The following SDK1 variants were observed in gnomAD, a reference collection of about 807,000 sequenced individuals.
SDK1 encodes the protein protein sidekick-1.
In SDK1, 157 loss-of-function variants were observed where a neutral mutation model predicts 245.5. The observed-to-expected ratio is 0.64, with a 90% confidence interval of 0.56 to 0.73. SDK1 has a LOEUF of 0.73. SDK1 is among the 30% of genes least tolerant of loss of function. The probability of loss-of-function intolerance (pLI) is 0.00; values close to 1 mark genes in which losing one functional copy is unlikely to be tolerated. For missense variants in SDK1, 3,583 were observed against 3,002.3 expected, an observed-to-expected ratio of 1.19 and a Z score of -4.52; for synonymous variants, 1,647 against 1,278.5, an observed-to-expected ratio of 1.29 and a Z score of -6.15.
chr7:3,880,279 T>A (rs1359173634), intron 5 of SDK1, among the ~76,000 whole-genome samples: 2 of 152,156 alleles, frequency 1.3e-5, no homozygotes, highest in South Asian at 4.1e-4. Flanking sequence ...AACAGCTGGT[T>A]GAGGTTGCAG....
chr7:3,465,218 A>T (rs1321298092), intron 1 of SDK1, among the ~76,000 whole-genome samples: 1 of 152,086 alleles, frequency 6.6e-6, no homozygotes, highest in Non-Finnish European at 1.5e-5. Flanking sequence ...GCATCTCTGG[A>T]TTCTGGGCTC....
intron 5 of SDK1, among the ~76,000 whole-genome samples, chr7:3,889,583 C>G (rs1781410368): frequency 6.6e-6 from 1 of 152,180 alleles, no homozygotes; most frequent in South Asian, 2.1e-4. Flanking sequence ...TCTCAGCTCA[C>G]TGCAAGCTCT....
At chr7:3,523,142 G>C (rs1361620915) in intron 1 of SDK1, among the ~76,000 whole-genome samples, 1 of 152,112 alleles carries the variant, frequency 6.6e-6, no homozygotes, top group East Asian at 1.9e-4. Context: ...GTATATTTTT[G>C]ACAAAGCTTG....
At chr7:3,401,877 T>C (rs1441837658) in intron 1 of SDK1, among the ~76,000 whole-genome samples, 1 of 152,184 alleles carries the variant, frequency 6.6e-6, no homozygotes, top group East Asian at 1.9e-4. Flanking sequence ...ACTATTTAAC[T>C]ATCTGGATTT....
chr7:3,362,783 T>G (rs985001496), intron 1 of SDK1, among the ~76,000 whole-genome samples: 3 of 152,220 alleles, frequency 2.0e-5, no homozygotes, highest in African/African-American at 7.2e-5. Flanking sequence ...AAGGTACTTT[T>G]TGGAATTATT....
chr7:3,859,798 C>G (rs183422519), intron 5 of SDK1, among the ~76,000 whole-genome samples: 2 of 152,312 alleles, frequency 1.3e-5, no homozygotes, highest in African/African-American at 2.4e-5. Flanking sequence ...TTCTCCAGAT[C>G]CATTGCAAAT....
chr7:4,236,991 C>T lies in SDK1; in HGVS notation c.5993-656C>T, dbSNP rs143405074. ...CTGTGATCGTGGCTCACTACAGCCT[C>T]GACCTCCTGGGCTCAAGTGATCCTC... On this transcript the variant is annotated intron_variant, in intron 41 of 44. Coordinates refer to ENST00000404826, the MANE Select transcript of SDK1 (RefSeq NM_152744.4). Among the ~76,000 whole-genome samples the T allele has an allele frequency of 4.5e-3, 687 of 152,182 alleles. 2 individuals carry two copies. The highest frequency in any genetic ancestry group is 0.016 in the African/African-American group (661 of 41,532).
intron 1 of SDK1, among the ~76,000 whole-genome samples, chr7:3,587,415 A>G (rs1780725749): frequency 1.3e-5 from 2 of 152,110 alleles, no homozygotes; most frequent in South Asian, 4.1e-4. Context: ...GTGGAGACCC[A>G]GGCAAGCTGG....
chr7:3,462,207 C>T (rs1780854079), intron 1 of SDK1, among the ~76,000 whole-genome samples: 1 of 152,168 alleles, frequency 6.6e-6, no homozygotes, highest in Non-Finnish European at 1.5e-5. Context: ...TCACATCTCA[C>T]TCCTCAGCAG....
intron 1 of SDK1, among the ~76,000 whole-genome samples, chr7:3,363,957 T>G (rs1226202022): frequency 6.6e-6 from 1 of 152,234 alleles, no homozygotes; most frequent in Non-Finnish European, 1.5e-5. Flanking sequence ...ATCCTCATCA[T>G]TATTTGGTGT....
chr7:3,662,074 T>C (rs1406690046), intron 4 of SDK1, among the ~76,000 whole-genome samples: 1 of 148,174 alleles, frequency 6.7e-6, no homozygotes, highest in Non-Finnish European at 1.5e-5. Context: ...TGGTGTTCCC[T>C]TCAAGGAAAT....
At chr7:4,225,780 G>A (rs1160124366) in intron 40 of SDK1, among the ~76,000 whole-genome samples, 2 of 152,124 alleles carry the variant, frequency 1.3e-5, no homozygotes, top group Non-Finnish European at 2.9e-5. Flanking sequence ...TGTGGAAACT[G>A]ACCCACAGGG....
chr7:4,243,573 C>G (rs1786659238), intron 43 of SDK1, among the ~76,000 whole-genome samples: 1 of 152,164 alleles, frequency 6.6e-6, no homozygotes, highest in African/African-American at 2.4e-5. Flanking sequence ...TGGTGGCAGG[C>G]AAAGAGAGAG....
chr7:3,930,090 T>C (rs1201407804), intron 5 of SDK1, among the ~76,000 whole-genome samples: 1 of 152,150 alleles, frequency 6.6e-6, no homozygotes, highest in East Asian at 1.9e-4. Context: ...GGCGCTGAGG[T>C]GATGTATGTG....
intron 4 of SDK1, among the ~76,000 whole-genome samples, chr7:3,676,881 A>T (rs1024883969): frequency 6.6e-6 from 1 of 152,068 alleles, no homozygotes; most frequent in Admixed American, 6.5e-5. Flanking sequence ...CTACTTTTGT[A>T]TTCATACCAT....
At chr7:4,208,016 T>G (rs1784320817) in intron 36 of SDK1, 83 bp from the exon 37 acceptor site, 8 of 1,042,128 alleles carry the variant, frequency 7.7e-6, no homozygotes, top group Non-Finnish European at 1.1e-5. Context: ...GCTCACCCCC[T>G]CGCTTTGACC....
At chr7:3,831,029 C>A (rs181529486) in intron 5 of SDK1, among the ~76,000 whole-genome samples, 4 of 152,172 alleles carry the variant, frequency 2.6e-5, no homozygotes, top group Admixed American at 2.6e-4. Context: ...TTTGTCTACT[C>A]TCCTTGTCTC....
At chr7:3,481,302 G>C (rs976171699) in intron 1 of SDK1, among the ~76,000 whole-genome samples, 1 of 152,214 alleles carries the variant, frequency 6.6e-6, no homozygotes, top group Non-Finnish European at 1.5e-5. Context: ...TGTGGCAGAA[G>C]CTGGACTTGA....
intron 5 of SDK1, among the ~76,000 whole-genome samples, chr7:3,942,507 G>C (rs746315623): frequency 5.3e-5 from 8 of 152,166 alleles, no homozygotes; most frequent in African/African-American, 9.7e-5. Context: ...TAGGATGTTG[G>C]AAAAAGATTT....
Sources: gnomAD v4.1 joint callset for allele counts (sites outside exome capture counted in the v4.1 genomes callset) on GRCh38, gnomAD v4.1.1 for gene constraint, MANE v1.5 for transcripts, NCBI Gene and HGNC (gene_info 2026-07-23, HGNC 2026-07-21) for gene names.